Variants in GALNTL6 observed in about 807,000 individuals in gnomAD.
The protein encoded by GALNTL6 is polypeptide N-acetylgalactosaminyltransferase-like 6.
In GALNTL6, 46 loss-of-function variants were observed where a neutral mutation model predicts 73.7. The ratio of observed to expected loss-of-function variants is 0.62; its 90% confidence interval spans 0.49 to 0.80. The LOEUF is 0.80. Ranked by LOEUF, GALNTL6 falls within the 30% of genes least tolerant of loss-of-function variation. The pLI, the probability that GALNTL6 is intolerant of heterozygous loss-of-function variation, is 0.00. For synonymous variants in GALNTL6, 259 were observed against 263.7 expected, an observed-to-expected ratio of 0.98 and a Z score of 0.17; for missense variants, 604 against 755.0, an observed-to-expected ratio of 0.80 and a Z score of 2.34.
intron 5 of GALNTL6, among the ~76,000 whole-genome samples, chr4:172,436,632 A>G (rs1275107731): frequency 6.6e-6 from 1 of 152,154 alleles, no homozygotes; most frequent in Admixed American, 6.6e-5. Flanking sequence ...ATTCTTCCTT[A>G]TAATTCTATG....
chr4:172,624,175 A>C (rs1036700527), intron 5 of GALNTL6, among the ~76,000 whole-genome samples: 1 of 152,152 alleles, frequency 6.6e-6, no homozygotes, highest in African/African-American at 2.4e-5. Flanking sequence ...TTAAGCAAAA[A>C]TTAATTTAAG....
chr4:172,537,140 C>G (rs983319756), intron 5 of GALNTL6, among the ~76,000 whole-genome samples: 1 of 152,118 alleles, frequency 6.6e-6, no homozygotes, highest in African/African-American at 2.4e-5. Context: ...TGTATTTGGA[C>G]TTTTGAGTTA....
intron 2 of GALNTL6, among the ~76,000 whole-genome samples, chr4:172,072,451 C>T (rs1168101044): frequency 6.6e-6 from 1 of 151,342 alleles, no homozygotes; most frequent in African/African-American, 2.4e-5. Flanking sequence ...CTCAAAATTA[C>T]AGCTTCAAAT....
chr4:172,342,008 G>A (rs1270650720), intron 4 of GALNTL6, among the ~76,000 whole-genome samples: 1 of 151,936 alleles, frequency 6.6e-6, no homozygotes, highest in African/African-American at 2.4e-5. Flanking sequence ...ACCAATATAG[G>A]AATATTGTGC....
chr4:172,755,271 T>TAGATA (rs1184425927), intron 5 of GALNTL6, among the ~76,000 whole-genome samples: 2 of 151,278 alleles, frequency 1.3e-5, no homozygotes, highest in African/African-American at 4.9e-5. Flanking sequence ...GATAGATAGA[T>TAGATA]AATTGATAAA....
At chr4:171,909,021 C>T (rs1158323484) in intron 2 of GALNTL6, among the ~76,000 whole-genome samples, 1 of 149,616 alleles carries the variant, frequency 6.7e-6, no homozygotes. Flanking sequence ...GGAGGGATAG[C>T]ATTGGGAGAT....
At chr4:172,760,036 C>T (rs978831982) in intron 5 of GALNTL6, among the ~76,000 whole-genome samples, 2 of 150,912 alleles carry the variant, frequency 1.3e-5, no homozygotes, top group African/African-American at 2.5e-5. Flanking sequence ...CGGGGTTTCA[C>T]CTTGTTAGCC....
intron 7 of GALNTL6, among the ~76,000 whole-genome samples, chr4:172,824,374 G>T (rs1742115896): frequency 1.2e-5 from 1 of 85,252 alleles, no homozygotes; most frequent in African/African-American, 1.0e-4. Context: ...GTGTGTGTGT[G>T]TGAGTGTGTG....
At chr4:172,297,016 C>T (rs1739705465) in intron 3 of GALNTL6, among the ~76,000 whole-genome samples, 2 of 152,268 alleles carry the variant, frequency 1.3e-5, no homozygotes, top group South Asian at 4.1e-4. Context: ...ACATCCTCTC[C>T]AGCACCTGTT....
intron 2 of GALNTL6, among the ~76,000 whole-genome samples, chr4:172,189,871 G>A (rs560895894): frequency 2.6e-5 from 4 of 152,176 alleles, no homozygotes; most frequent in South Asian, 2.1e-4. Context: ...CTAACTTGAG[G>A]CAGATGGAAA....
intron 5 of GALNTL6, among the ~76,000 whole-genome samples, chr4:172,723,651 T>C (rs1735622311): frequency 6.6e-6 from 1 of 152,176 alleles, no homozygotes; most frequent in South Asian, 2.1e-4. Flanking sequence ...GCATCAACTC[T>C]TTCTCTTAAA....
chr4:172,264,328 A>T lies in GALNTL6; in HGVS notation c.247+34564A>T, dbSNP rs1738359985. Among the ~76,000 whole-genome samples the T allele has an allele frequency of 2.7e-5, 4 of 150,894 alleles. No homozygotes were observed. The South Asian group carries it at 8.4e-4, about 32-fold the overall frequency. On this transcript the variant is annotated intron_variant, in intron 3 of 12. Coordinates refer to ENST00000506823, the MANE Select transcript of GALNTL6 (RefSeq NM_001034845.3). ...CCTGATGTCTCATATGCTGTTTAAAACTTATCTACACATTACCCAACCACC... is the reference window on the plus strand; with the variant it reads ...CCTGATGTCTCATATGCTGTTTAAATCTTATCTACACATTACCCAACCACC...
chr4:172,450,075 G>C (rs967079897), intron 5 of GALNTL6, among the ~76,000 whole-genome samples: 1 of 151,936 alleles, frequency 6.6e-6, no homozygotes, highest in Non-Finnish European at 1.5e-5. Flanking sequence ...AAATTAGCCA[G>C]GTGTGGTGGT....
intron 2 of GALNTL6, among the ~76,000 whole-genome samples, chr4:171,868,181 T>C (rs567564423): frequency 6.6e-6 from 1 of 151,870 alleles, no homozygotes; most frequent in African/African-American, 2.4e-5. Context: ...TAGAGAAAGA[T>C]TCTCACTGTG....
chr4:172,628,102 G>C (rs1739242138), intron 5 of GALNTL6, among the ~76,000 whole-genome samples: 1 of 152,030 alleles, frequency 6.6e-6, no homozygotes, highest in Non-Finnish European at 1.5e-5. Context: ...TAAAAAAACT[G>C]TCATGCACCC....
At chr4:172,166,473 A>G (rs1322694410) in intron 2 of GALNTL6, among the ~76,000 whole-genome samples, 2 of 152,146 alleles carry the variant, frequency 1.3e-5, no homozygotes, top group Non-Finnish European at 2.9e-5. Context: ...ATATGATGTT[A>G]TTAAATATAT....
chr4:173,021,143 CCT>C (rs1752974405), intron 11 of GALNTL6, among the ~76,000 whole-genome samples: 1 of 152,086 alleles, frequency 6.6e-6, no homozygotes, highest in East Asian at 1.9e-4. Context: ...GTCTTTCCTC[CCT>C]CTGTCCTCTT....
chr4:172,177,760 T>TAC (rs1735058892), intron 2 of GALNTL6, among the ~76,000 whole-genome samples: 1 of 87,254 alleles, frequency 1.1e-5, no homozygotes, highest in African/African-American at 4.0e-5. Flanking sequence ...TATATGTGTG[T>TAC]ATATATATGT....
intron 8 of GALNTL6, among the ~76,000 whole-genome samples, chr4:172,912,454 T>C (rs1257519288): frequency 1.3e-5 from 2 of 152,160 alleles, no homozygotes; most frequent in African/African-American, 4.8e-5. Flanking sequence ...GTCAGGGAAT[T>C]CCCTTTCCTA....
Sources: allele counts gnomAD v4.1 joint callset (sites outside exome capture counted in the v4.1 genomes callset), GRCh38; gene constraint gnomAD v4.1.1; transcripts MANE v1.5; gene names NCBI Gene and HGNC (gene_info 2026-07-23, HGNC 2026-07-21).